The following STARD9 variants were observed in gnomAD, a reference collection of about 807,000 sequenced individuals.
STARD9 encodes the protein stAR-related lipid transfer protein 9.
Under a neutral mutation model 399.8 loss-of-function variants are expected in STARD9, and 346 were observed. That is an observed-to-expected ratio of 0.87 (90% confidence interval 0.79 to 0.95). STARD9 has a LOEUF of 0.95. STARD9 is among the 40% of genes least tolerant of loss of function. STARD9 has a pLI of 0.00. For synonymous variants in STARD9, 2,203 were observed against 2,143.5 expected, an observed-to-expected ratio of 1.03 and a Z score of -0.77; for missense variants, 5,832 against 5,667.5, an observed-to-expected ratio of 1.03 and a Z score of -0.93.
At chr15:42,626,861 T>G (rs543049266) in intron 3 of STARD9, among the ~76,000 whole-genome samples, 8 of 151,770 alleles carry the variant, frequency 5.3e-5, no homozygotes, top group Non-Finnish European at 1.0e-4. Flanking sequence ...AGTTTTTTTT[T>G]TTCAAGACAG....
At chr15:42,646,696 G>A (rs1458729303) in intron 7 of STARD9, among the ~76,000 whole-genome samples, 1 of 152,204 alleles carries the variant, frequency 6.6e-6, no homozygotes, top group Non-Finnish European at 1.5e-5. Flanking sequence ...TATCGTTCAT[G>A]TGTTCACGGA....
In STARD9 at chr15:42,682,519, T is replaced by C. The variant is rs1365019735; in HGVS notation, c.2481T>C (p.Ser827=). Residue 827 remains serine (S), a synonymous_variant, in exon 22 of 33, where the codon AGT becomes AGC. Transcript: ENST00000290607. ...PRPPCRSKLT[S]CSSLSPQRLC... is the part of the protein sequence containing the mutation. ...CTCCATGTAGAAGCAAATTGACGAG[T>C]TGCAGTTCTTTGAGCCCCCAAAGAC... 2 of 1,537,120 alleles carry C rather than the reference T, an allele frequency of 1.3e-6. No individual in the cohort carries two copies. Among genetic ancestry groups the C allele is most frequent in the Non-Finnish European group, 8.7e-7 (1 of 1,146,888 alleles).
At chr15:42,623,020 A>G (rs1329418138) in intron 3 of STARD9, among the ~76,000 whole-genome samples, 1 of 152,074 alleles carries the variant, frequency 6.6e-6, no homozygotes, top group Admixed American at 6.6e-5. Context: ...GGGAGGCGGA[A>G]GCAGGCAGAT....
chr15:42,709,743 C>CT (rs1002493891), intron 26 of STARD9, among the ~76,000 whole-genome samples: 3 of 152,168 alleles, frequency 2.0e-5, no homozygotes, highest in African/African-American at 7.2e-5. Context: ...TTTCCTCAAA[C>CT]TTTCATCCAC....
At chr15:42,642,702 C>A (rs968002375) in intron 7 of STARD9, among the ~76,000 whole-genome samples, 1 of 152,138 alleles carries the variant, frequency 6.6e-6, no homozygotes, top group Admixed American at 6.5e-5. Flanking sequence ...GAAAGCTTCA[C>A]CATTTTACCA....
chr15:42,584,653 A>C (rs570784384), intron 2 of STARD9, among the ~76,000 whole-genome samples: 54 of 152,264 alleles, frequency 3.5e-4, no homozygotes, highest in South Asian at 1.0e-3. Flanking sequence ...CAGTACCTGG[A>C]GGTCAGTGCA....
intron 13 of STARD9, 81 bp downstream of exon 13, chr15:42,663,998 T>A: frequency 1.1e-6 from 1 of 952,280 alleles, no homozygotes; most frequent in Non-Finnish European, 1.6e-6. Flanking sequence ...GATTTCTTTC[T>A]CTTTGTACTC....
intron 15 of STARD9, among the ~76,000 whole-genome samples, chr15:42,668,490 A>G (rs527955560): frequency 1.9e-4 from 29 of 152,082 alleles, no homozygotes; most frequent in African/African-American, 6.5e-4. Flanking sequence ...ATCACTGTGC[A>G]TGTCCCTAAA....
At chr15:42,697,586 A>G (rs2060871133) in intron 26 of STARD9, among the ~76,000 whole-genome samples, 1 of 152,202 alleles carries the variant, frequency 6.6e-6, no homozygotes, top group South Asian at 2.1e-4. Context: ...CGTTTTGAGC[A>G]CTGTGACACC....
chr15:42,676,462 A>C (rs955124667), intron 20 of STARD9, among the ~76,000 whole-genome samples: 3 of 152,204 alleles, frequency 2.0e-5, no homozygotes, highest in African/African-American at 7.2e-5. Flanking sequence ...TTTCTTTCTC[A>C]TAACCAAGAA....
At chr15:42,591,240 C>T (rs1952944071) in intron 3 of STARD9, among the ~76,000 whole-genome samples, 1 of 152,186 alleles carries the variant, frequency 6.6e-6, no homozygotes, top group Admixed American at 6.5e-5. Flanking sequence ...GTAATCCTAG[C>T]ACTTTGGGAG....
At chr15:42,652,412 C>A in intron 8 of STARD9, 108 bp from the exon 9 acceptor site, 2 of 915,194 alleles carry the variant, frequency 2.2e-6, no homozygotes, top group Non-Finnish European at 3.4e-6. Flanking sequence ...TTTTATGATT[C>A]TTGTCGGTGA....
chr15:42,659,132 GAAGAAGGA>G (rs1257157805), intron 9 of STARD9, among the ~76,000 whole-genome samples: 1 of 152,008 alleles, frequency 6.6e-6, no homozygotes, highest in Non-Finnish European at 1.5e-5. Context: ...AGAGAGAAAA[GAAGAAGGA>G]AAGAAGGAAA....
chr15:42,641,070 A>G (rs1187399216), intron 7 of STARD9, among the ~76,000 whole-genome samples: 1 of 152,160 alleles, frequency 6.6e-6, no homozygotes, highest in Non-Finnish European at 1.5e-5. Context: ...AGGTTCCTAG[A>G]TGATTTGATT....
rs1448764404 is a variant in STARD9 at position 42,688,977 on chromosome 15, G to A, written c.7399G>A (p.Glu2467Lys). The A allele has an allele frequency of 1.8e-5, 28 of 1,537,374 alleles. No homozygotes were observed. Among genetic ancestry groups the A allele is most frequent in the Non-Finnish European group, 2.2e-5 (25 of 1,146,946 alleles). ...STSEDFASEAEVAVQKEIRVS... is the reference protein window; with the variant it reads ...STSEDFASEAKVAVQKEIRVS... ...CAGTGAAGATTTTGCTTCTGAAGCC[G>A]AGGTGGCTGTACAAAAAGAAATAAG... The change falls in exon 23 of 33, where the codon GAG (glutamate) becomes AAG (lysine). Residue 2467 changes from glutamate to lysine, a missense_variant. Glu to Lys is a moderately conservative substitution (Grantham distance 56, BLOSUM62 1). Transcript: ENST00000290607.
At chr15:42,580,665 A>T (rs1239663631) in intron 1 of STARD9, among the ~76,000 whole-genome samples, 1 of 152,002 alleles carries the variant, frequency 6.6e-6, no homozygotes, top group East Asian at 1.9e-4. Flanking sequence ...AAATACAAAA[A>T]GCCCGGCGTG....
At position 42,690,229 on chromosome 15, in the gene STARD9, T is replaced by G; in HGVS notation, c.8651T>G (p.Leu2884Trp). 2 of 1,537,574 alleles carry G rather than the reference T, an allele frequency of 1.3e-6. No homozygotes were observed. The highest frequency in any genetic ancestry group is 1.7e-6 in the Non-Finnish European group (2 of 1,146,988). ...VQCKESVGSG[L>W]TEVCRAGSKH... ...TGTAAGGAGAGTGTTGGGTCTGGGT[T>G]GACAGAAGTCTGCAGGGCTGGCAGC... The change falls in exon 23 of 33, where the codon TTG (leucine) becomes TGG (tryptophan). Residue 2884 changes from leucine (L) to tryptophan (W), a missense_variant. Physicochemically the swap from Leu to Trp is moderately conservative, Grantham distance 61. This residue lies in a region of STARD9 where 5,828 missense variants were observed against 5,651.1 expected (regional missense o/e 1.03). Coordinates refer to ENST00000290607, the MANE Select transcript of STARD9 (RefSeq NM_020759.3).
chr15:42,689,546 CAG>C lies in STARD9; in HGVS notation c.7973_7974del (p.Glu2658AlafsTer32). The C allele has an allele frequency of 6.5e-7, 1 of 1,537,264 alleles. No individual in the cohort carries two copies. The highest frequency in any genetic ancestry group is 8.7e-7 in the Non-Finnish European group (1 of 1,146,920). On this transcript the variant is annotated frameshift_variant, in exon 23 of 33. Transcript: ENST00000290607. LOFTEE classifies it high-confidence loss of function. ...FESLPNTETD[R>X]EPWDPVQAFS... is the part of the protein sequence containing the mutation. ...AATCTCTGCCCAATACGGAAACTGACAGAGAGCCATGGGATCCTGTGCAGGCT... is the reference window on the plus strand; with the variant it reads ...AATCTCTGCCCAATACGGAAACTGACAGAGCCATGGGATCCTGTGCAGGCT...
In STARD9 at chr15:42,634,842, T is replaced by C. The variant is rs1456168218; in HGVS notation, c.235-14T>C. ...AGGACCACAGTGATATTTCCTCTGCTTTTGTTGTTACAGGTTTTCCAGGAT... is the reference window on the plus strand; with the variant it reads ...AGGACCACAGTGATATTTCCTCTGCCTTTGTTGTTACAGGTTTTCCAGGAT... On this transcript the variant is annotated splice_polypyrimidine_tract_variant and intron_variant, in intron 3 of 32. Coordinates refer to ENST00000290607, the MANE Select transcript of STARD9 (RefSeq NM_020759.3). 4.3e-6 allele frequency: 6 copies of C among 1,410,912 alleles called. No individual in the cohort carries two copies. The East Asian group carries it at 1.3e-4, about 29-fold the overall frequency. The allele number at this position is 1,410,912 out of a possible 1,614,324, so 87.4% of individuals were successfully genotyped here.
Sources: allele counts gnomAD v4.1 joint callset (sites outside exome capture counted in the v4.1 genomes callset), GRCh38; gene constraint gnomAD v4.1.1; regional missense constraint gnomAD v4.1.1; transcripts MANE v1.5; gene names NCBI Gene and HGNC (gene_info 2026-07-23, HGNC 2026-07-21).